The following NLGN1 variants were observed in gnomAD, a reference collection of about 807,000 sequenced individuals.
NLGN1 encodes the protein neuroligin-1.
Under a neutral mutation model 65.5 loss-of-function variants are expected in NLGN1, and 12 were observed. That is an observed-to-expected ratio of 0.18 (90% confidence interval 0.12 to 0.30). NLGN1 has a LOEUF of 0.30. Among genes scored for constraint, NLGN1 ranks in the 10% least tolerant of loss-of-function variants. The pLI is 1.00. For synonymous variants in NLGN1, 350 were observed against 359.5 expected (o/e 0.97, Z 0.30); for missense variants, 750 against 1,007.1 (o/e 0.74, Z 3.46).
intron 4 of NLGN1, among the ~76,000 whole-genome samples, chr3:173,952,691 A>G (rs1748444711): frequency 6.6e-6 from 1 of 152,170 alleles, no homozygotes; most frequent in South Asian, 2.1e-4. Flanking sequence ...TGTTTATTAC[A>G]TCAGGATAAA....
chr3:174,207,519 T>C (rs1359339807), intron 4 of NLGN1, among the ~76,000 whole-genome samples: 1 of 152,256 alleles, frequency 6.6e-6, no homozygotes, highest in Non-Finnish European at 1.5e-5. Flanking sequence ...CATGTCATAT[T>C]GCCAAGCCAA....
At chr3:174,249,361 G>C (rs2152840631) in intron 4 of NLGN1, among the ~76,000 whole-genome samples, 1 of 152,226 alleles carries the variant, frequency 6.6e-6, no homozygotes, top group Middle Eastern at 3.4e-3. Flanking sequence ...CTTTTGAACT[G>C]AACTATAAGA....
intron 4 of NLGN1, among the ~76,000 whole-genome samples, chr3:173,956,261 T>C (rs994307309): frequency 6.6e-6 from 1 of 152,118 alleles, no homozygotes; most frequent in African/African-American, 2.4e-5. Context: ...GAATACAGCC[T>C]TTTCCTATTA....
intron 4 of NLGN1, among the ~76,000 whole-genome samples, chr3:174,196,696 C>A (rs1231534274): frequency 6.6e-6 from 1 of 152,100 alleles, no homozygotes. Flanking sequence ...ATAACAAGTA[C>A]TCATATGGCA....
chr3:173,411,244 A>G (rs960891641), intron 1 of NLGN1, among the ~76,000 whole-genome samples: 4 of 152,230 alleles, frequency 2.6e-5, no homozygotes, highest in African/African-American at 9.6e-5. Flanking sequence ...CCTAGAAGTC[A>G]GATCATTCCC....
At chr3:173,589,537 A>G (rs1407361929) in intron 2 of NLGN1, among the ~76,000 whole-genome samples, 1 of 152,194 alleles carries the variant, frequency 6.6e-6, no homozygotes, top group Non-Finnish European at 1.5e-5. Context: ...GTGCATGTGG[A>G]GGAAAAGCAG....
At chr3:173,764,848 ATGAC>A (rs1268717947) in intron 3 of NLGN1, among the ~76,000 whole-genome samples, 1 of 152,168 alleles carries the variant, frequency 6.6e-6, no homozygotes, top group Non-Finnish European at 1.5e-5. Flanking sequence ...TCTAGAATAA[ATGAC>A]TTATTACTTT....
At chr3:174,097,708 C>A (rs1745801773) in intron 4 of NLGN1, among the ~76,000 whole-genome samples, 1 of 152,076 alleles carries the variant, frequency 6.6e-6, no homozygotes, top group African/African-American at 2.4e-5. Context: ...AATATCTGAT[C>A]CAGTTTACAA....
chr3:173,777,826 T>C (rs1334957054), intron 3 of NLGN1, among the ~76,000 whole-genome samples: 2 of 151,818 alleles, frequency 1.3e-5, no homozygotes, highest in Admixed American at 1.3e-4. Flanking sequence ...TTTGAAAAGT[T>C]TTCTATTCTT....
chr3:173,665,167 T>G (rs1761522364), intron 3 of NLGN1, among the ~76,000 whole-genome samples: 1 of 152,132 alleles, frequency 6.6e-6, no homozygotes. Flanking sequence ...CCCCATGTGT[T>G]GGGGAAGGGA....
At chr3:173,713,443 G>C (rs1221677480) in intron 3 of NLGN1, among the ~76,000 whole-genome samples, 1 of 152,070 alleles carries the variant, frequency 6.6e-6, no homozygotes, top group Non-Finnish European at 1.5e-5. Flanking sequence ...TGTAAGAATA[G>C]AAGAGTTAAG....
chr3:173,811,242 T>A (rs544829764), intron 4 of NLGN1, among the ~76,000 whole-genome samples: 1 of 152,188 alleles, frequency 6.6e-6, no homozygotes, highest in East Asian at 1.9e-4. Context: ...AAACATTCTA[T>A]TGTATGGTTT....
chr3:174,150,515 C>G (rs1724121472), intron 4 of NLGN1, among the ~76,000 whole-genome samples: 1 of 152,046 alleles, frequency 6.6e-6, no homozygotes, highest in African/African-American at 2.4e-5. Flanking sequence ...GTAAAATTGC[C>G]CCTATTTGAG....
intron 2 of NLGN1, among the ~76,000 whole-genome samples, chr3:173,498,581 A>G (rs376189709): frequency 4.0e-5 from 6 of 151,796 alleles, no homozygotes; most frequent in South Asian, 4.1e-4. Flanking sequence ...TAATGGGATG[A>G]CTGGGTCAAA....
At chr3:174,026,890 G>A (rs1728942690) in intron 4 of NLGN1, among the ~76,000 whole-genome samples, 1 of 151,944 alleles carries the variant, frequency 6.6e-6, no homozygotes, top group Non-Finnish European at 1.5e-5. Context: ...TACTGCTTTT[G>A]TACTAAATAT....
chr3:173,979,523 G>A (rs1718298922), intron 4 of NLGN1, among the ~76,000 whole-genome samples: 1 of 152,018 alleles, frequency 6.6e-6, no homozygotes, highest in African/African-American at 2.4e-5. Flanking sequence ...AGGATAAGAA[G>A]GGAAAATGGG....
chr3:174,231,118 AG>A (rs1482383928), intron 4 of NLGN1, among the ~76,000 whole-genome samples: 1 of 152,208 alleles, frequency 6.6e-6, no homozygotes, highest in Non-Finnish European at 1.5e-5. Flanking sequence ...TAGAAGCAAG[AG>A]GGAGTCAGTT....
chr3:173,486,282 G>T (rs201674177), intron 2 of NLGN1, among the ~76,000 whole-genome samples: 3 of 151,862 alleles, frequency 2.0e-5, no homozygotes, highest in African/African-American at 4.8e-5. Context: ...GGCTGGTCTC[G>T]AACTCCTGGC....
intron 2 of NLGN1, among the ~76,000 whole-genome samples, chr3:173,594,536 T>C (rs1164252424): frequency 6.6e-6 from 1 of 152,218 alleles, no homozygotes; most frequent in Non-Finnish European, 1.5e-5. Flanking sequence ...TAAGTGTCTG[T>C]GGCTTTTTCA....
Sources: allele counts gnomAD v4.1 joint callset (sites outside exome capture counted in the v4.1 genomes callset), GRCh38; gene constraint gnomAD v4.1.1; transcripts MANE v1.5; gene names NCBI Gene and HGNC (gene_info 2026-07-23, HGNC 2026-07-21).